Variants in ITGB1BP1 observed in about 807,000 individuals in gnomAD.
The protein encoded by ITGB1BP1 is integrin subunit beta 1 binding protein 1.
In ITGB1BP1, 20 loss-of-function variants were observed where a neutral mutation model predicts 28.0. That is an observed-to-expected ratio of 0.71 (90% CI 0.50 to 1.04). The LOEUF is 1.04. ITGB1BP1 is among the 50% of genes least tolerant of loss of function. The probability of loss-of-function intolerance (pLI) is 0.00; values close to 1 mark genes in which losing one functional copy is unlikely to be tolerated. For synonymous variants in ITGB1BP1, 103 were observed against 89.5 expected (o/e 1.15, Z -0.85); for missense variants, 228 against 242.5 (o/e 0.94, Z 0.40).
chr2:9,419,855 A>G (rs909906903), intron 1 of ITGB1BP1: 1 of 155,866 alleles, frequency 6.4e-6, no homozygotes, highest in African/African-American at 2.4e-5. Flanking sequence ...GGGCTCACAG[A>G]AGGTGGGCTG....
At position 9,414,236 on chromosome 2, in the gene ITGB1BP1, C is replaced by A; in HGVS notation, c.93G>T (p.Gly31=). The change falls in exon 3 of 7, where the codon GGG becomes GGT. Residue 31 remains glycine (G), a synonymous_variant. Transcript: ENST00000355346. ...TKSKSVDSSL[G]GLSRSSTVAS... Reference sequence around the variant, plus strand: ...CCACAGTGCTGGATCGTGAAAGACCCCCAAGGCTAGAATCCACAGACTGAG... The same window carrying A: ...CCACAGTGCTGGATCGTGAAAGACCACCAAGGCTAGAATCCACAGACTGAG... The A allele has an allele frequency of 1.2e-6, 2 of 1,613,980 alleles. No individual in the cohort carries two copies. Among genetic ancestry groups the A allele is most frequent in the Non-Finnish European group, 1.7e-6 (2 of 1,179,906 alleles).
rs561058601 is a variant in ITGB1BP1 at position 9,415,066 on chromosome 2, A to G, written c.73-810T>C. Among the ~76,000 whole-genome samples the G allele has an allele frequency of 6.6e-6, 1 of 152,050 alleles. No individual in the cohort carries two copies. Among genetic ancestry groups the G allele is most frequent in the East Asian group, 1.9e-4 (1 of 5,166 alleles). On this transcript the variant is annotated intron_variant, in intron 2 of 6. Transcript: ENST00000355346. The surrounding 1 kb of genome is among the most constrained non-coding windows in gnomAD (Gnocchi z 4.1). ...CGAAACCAGCCTGGCCAACATGGTG[A>G]AACCCCGTCTCTACTTAAAAAAAAA...
intron 4 of ITGB1BP1, among the ~76,000 whole-genome samples, chr2:9,409,587 C>A (rs777060567): frequency 5.3e-5 from 8 of 152,154 alleles, no homozygotes; most frequent in African/African-American, 1.7e-4. Context: ...CTGAACGTTG[C>A]GGCTCGTTCT....
chr2:9,419,374 A>G (rs80337366), intron 1 of ITGB1BP1, among the ~76,000 whole-genome samples: 6,121 of 152,272 alleles, frequency 0.04, 179 homozygotes, highest in South Asian at 0.1. Flanking sequence ...TTCAGTCGAG[A>G]TACTAAGATT....
rs567981509 is a variant in ITGB1BP1 at position 9,423,494 on chromosome 2, T to G, written c.-157A>C. On this transcript the variant is annotated 5_prime_UTR_variant, in exon 1 of 7. Transcript: ENST00000355346. ...CCAGCGCCGGCTTTTCCAGCCCTCC[T>G]GCCCACGTCCGCCGGGCCGCGCCTC... 6.7e-4 allele frequency: 804 copies of G among 1,199,634 alleles called. 3 individuals are homozygous for G. In the African/African-American group the frequency reaches 0.012, roughly 18 times the overall value. The allele number at this position is 1,199,634 out of a possible 1,614,324, so 74.3% of individuals were successfully genotyped here.
rs1679060840 is a variant in ITGB1BP1 at position 9,415,841 on chromosome 2, A to G, written c.73-1585T>C. 6.6e-6 allele frequency among the ~76,000 whole-genome samples: 1 copy of G among 152,192 alleles called. No homozygotes were observed. Among genetic ancestry groups the G allele is most frequent in the Non-Finnish European group, 1.5e-5 (1 of 68,024 alleles). ...CTTACCCTGCCCTGACTGGAAACTGAGTGGCAGTCGTGTGTCTTTGTCTCA... is the reference window on the plus strand; with the variant it reads ...CTTACCCTGCCCTGACTGGAAACTGGGTGGCAGTCGTGTGTCTTTGTCTCA... On this transcript the variant is annotated intron_variant, in intron 2 of 6. Transcript: ENST00000355346. The surrounding 1 kb of genome is among the most constrained non-coding windows in gnomAD (Gnocchi z 4.1).
intron 1 of ITGB1BP1, among the ~76,000 whole-genome samples, chr2:9,421,267 C>A (rs1038294447): frequency 6.6e-6 from 1 of 152,178 alleles, no homozygotes; most frequent in Non-Finnish European, 1.5e-5. Flanking sequence ...AATCATGACA[C>A]GACAATGCCT....
chr2:9,406,811 T>G lies in ITGB1BP1; in HGVS notation c.*23A>C. On this transcript the variant is annotated 3_prime_UTR_variant, in exon 7 of 7. Transcript: ENST00000355346. ...AAACAGCTGAACTTTCAGATGAAGT[T>G]GACTTCTACTTGATTGCAGGATTCA... 6.5e-7 allele frequency: 1 copy of G among 1,538,584 alleles called. No individual in the cohort carries two copies. The highest frequency in any genetic ancestry group is 2.2e-5 in the East Asian group (1 of 44,520).
intron 3 of ITGB1BP1, among the ~76,000 whole-genome samples, chr2:9,413,817 A>AT (rs1439080777): frequency 2.6e-5 from 4 of 152,166 alleles, no homozygotes; most frequent in African/African-American, 9.7e-5. Flanking sequence ...CATAGACAAC[A>AT]TAAGTCCAAT....
Position 9,422,566 on chromosome 2 carries a change from C to G in ITGB1BP1, c.-36+807G>C, listed in dbSNP as rs139024180. 1.5e-5 allele frequency: 15 copies of G among 985,500 alleles called. No individual in the cohort carries two copies. The African/African-American group carries it at 2.4e-4, about 16-fold the overall frequency. The allele number at this position is 985,500 out of a possible 1,614,324, so 61.0% of individuals were successfully genotyped here. ...ACAGCTTGAGTGTACCCCCTGATCA[C>G]AGCGCCACGATCTGCTGTGGTCTCT... On this transcript the variant is annotated intron_variant, in intron 1 of 6. Coordinates refer to ENST00000355346, the MANE Select transcript of ITGB1BP1 (RefSeq NM_004763.5).
rs559074928 is a variant in ITGB1BP1, at chr2:9,423,247, C to A, written c.-36+126G>T. On this transcript the variant is annotated intron_variant, in intron 1 of 6. Transcript: ENST00000355346. ...GCCCGGAACCAAGCCCGAGCCCAGG[C>A]ATCCCTCCTCCGCCCGCCCCGCGGC... 4.1e-5 allele frequency: 47 copies of A among 1,145,456 alleles called. No homozygotes were observed. In the South Asian group the frequency reaches 7.3e-4, roughly 18 times the overall value. The allele number at this position is 1,145,456 out of a possible 1,614,324, so 71.0% of individuals were successfully genotyped here. A position where few individuals can be genotyped will look rare whatever the true frequency, so the allele number is the denominator to read the frequency against.
intron 4 of ITGB1BP1, among the ~76,000 whole-genome samples, chr2:9,410,555 T>G (rs1330591967): frequency 1.3e-5 from 2 of 152,182 alleles, no homozygotes; most frequent in African/African-American, 4.8e-5. Context: ...CAGTTCAACC[T>G]CAGCCTCCCG....
chr2:9,423,538 C>T, upstream of ITGB1BP1: 1 of 1,153,726 alleles, frequency 8.7e-7, no homozygotes, highest in Non-Finnish European at 1.1e-6. Context: ...TGCGCAGGCG[C>T]AGTCCTGACG....
chr2:9,406,924 A>C lies in ITGB1BP1; in HGVS notation c.532-19T>G. 1 of 1,576,202 alleles carries C rather than the reference A, an allele frequency of 6.3e-7. No homozygotes were observed. The highest frequency in any genetic ancestry group is 8.7e-7 in the Non-Finnish European group (1 of 1,145,362). The stretch of plus-strand genomic sequence containing the variant: ...CTTGTTCCTACATTACATGAAAGAT[A>C]GAGTAAGAGCAACATTCATCTGTCT... On this transcript the variant is annotated intron_variant, in intron 6 of 6. Transcript: ENST00000355346.
intron 1 of ITGB1BP1, among the ~76,000 whole-genome samples, chr2:9,421,208 C>CTA (rs1229734435): frequency 6.6e-6 from 1 of 152,164 alleles, no homozygotes; most frequent in Non-Finnish European, 1.5e-5. Context: ...AAATGTGATT[C>CTA]TACTGTCAGT....
In ITGB1BP1 at chr2:9,420,174, G is replaced by A. The variant is rs549239366; in HGVS notation, c.-35-1442C>T. The A allele has an allele frequency of 6.1e-5, 20 of 329,018 alleles. No individual in the cohort carries two copies. The South Asian group carries it at 2.1e-3, about 34-fold the overall frequency. 20.4% of individuals were successfully genotyped at this position (329,018 alleles called of 1,614,324 possible). ...TCCTGCTGCAACCCAAAGATTCTCC[G>A]TATTTGGAGACCCCACTCTAAGTCC... On this transcript the variant is annotated intron_variant, in intron 1 of 6. Transcript: ENST00000355346.
In ITGB1BP1 at chr2:9,423,399, T is replaced by C. The variant is rs1000567529; in HGVS notation, c.-62A>G. On this transcript the variant is annotated 5_prime_UTR_variant, in exon 1 of 7. Coordinates refer to ENST00000355346, the MANE Select transcript of ITGB1BP1 (RefSeq NM_004763.5). ...TCGCAGCCGCGGGCCCATCCCCGGG[T>C]TGCGGACTTCGGGGTCCGCGTGGGA... 32 of 1,140,788 alleles carry C rather than the reference T, an allele frequency of 2.8e-5. No individual in the cohort carries two copies. The African/African-American group carries it at 5.3e-4, about 19-fold the overall frequency. The allele number at this position is 1,140,788 out of a possible 1,614,324, so 70.7% of individuals were successfully genotyped here.
rs1160955474 is a variant in ITGB1BP1 at position 9,405,976 on chromosome 2, G to C, written c.*858C>G. 1 of 152,276 alleles carries C rather than the reference G, an allele frequency of 6.6e-6. No individual in the cohort carries two copies. Among genetic ancestry groups the C allele is most frequent in the Non-Finnish European group, 1.5e-5 (1 of 68,074 alleles). The allele number at this position is 152,276 out of a possible 1,614,324, so 9.4% of individuals were successfully genotyped here. Reference sequence around the variant, plus strand: ...CAGAGGTCCATGCCAGTGATACCATGACTGGGAAGCCACCACTGAGCCCAT... The same window carrying C: ...CAGAGGTCCATGCCAGTGATACCATCACTGGGAAGCCACCACTGAGCCCAT... On this transcript the variant is annotated 3_prime_UTR_variant, in exon 7 of 7. Coordinates refer to ENST00000355346, the MANE Select transcript of ITGB1BP1 (RefSeq NM_004763.5).
At chr2:9,421,356 T>C (rs1407402131) in intron 1 of ITGB1BP1, among the ~76,000 whole-genome samples, 1 of 152,170 alleles carries the variant, frequency 6.6e-6, no homozygotes, top group East Asian at 1.9e-4. Context: ...GTCTTTGATA[T>C]CTGCTGCAAT....
Sources: allele counts gnomAD v4.1 joint callset (sites outside exome capture counted in the v4.1 genomes callset), GRCh38; gene constraint gnomAD v4.1.1; non-coding constraint Gnocchi (gnomAD v3.1); transcripts MANE v1.5; gene names NCBI Gene and HGNC (gene_info 2026-07-23, HGNC 2026-07-21).